The following ARB2A variants were observed in gnomAD, a reference collection of about 807,000 sequenced individuals.
The protein encoded by ARB2A is cotranscriptional regulator ARB2A.
At chr5:93,811,404 C>T in the ARB2A span, among the ~76,000 whole-genome samples, 2 of 151,868 alleles carry the variant, frequency 1.3e-5, no homozygotes, top group Admixed American at 6.6e-5. Context: ...AATGAAAAAT[C>T]GATTAAAATT....
At chr5:93,789,560 T>C in the ARB2A span, among the ~76,000 whole-genome samples, 353 of 152,376 alleles carry the variant, frequency 2.3e-3, no homozygotes, top group Non-Finnish European at 4.2e-3. Flanking sequence ...AGTTTTTATG[T>C]GGTTTAATAA....
the ARB2A span, among the ~76,000 whole-genome samples, chr5:94,086,244 T>TGTTGA: frequency 2.6e-5 from 4 of 152,198 alleles, no homozygotes; most frequent in Admixed American, 2.6e-4. Flanking sequence ...AATATGTTCT[T>TGTTGA]TAAATAAGTG....
the ARB2A span, among the ~76,000 whole-genome samples, chr5:93,905,817 GT>G: frequency 2.0e-5 from 3 of 151,328 alleles, no homozygotes; most frequent in Non-Finnish European, 4.4e-5. Context: ...AGAATTATTG[GT>G]TATCTTCTGA....
At chr5:93,807,461 T>C in the ARB2A span, among the ~76,000 whole-genome samples, 4 of 151,970 alleles carry the variant, frequency 2.6e-5, no homozygotes, top group Non-Finnish European at 5.9e-5. Flanking sequence ...TAATAATGAA[T>C]AGCACCAGGA....
At chr5:93,873,163 G>A in the ARB2A span, among the ~76,000 whole-genome samples, 2 of 151,920 alleles carry the variant, frequency 1.3e-5, 1 homozygote, top group African/African-American at 4.8e-5. Flanking sequence ...GTGGTGGCAT[G>A]CACCTGTAGT....
the ARB2A span, among the ~76,000 whole-genome samples, chr5:93,843,315 C>G: frequency 6.6e-6 from 1 of 151,582 alleles, no homozygotes; most frequent in African/African-American, 2.4e-5. Context: ...CAAATAGACA[C>G]TTGAAAGAAA....
chr5:93,671,104 C>T, the ARB2A span, among the ~76,000 whole-genome samples: 1 of 152,100 alleles, frequency 6.6e-6, no homozygotes, highest in Admixed American at 6.5e-5. Context: ...GCATTATAAA[C>T]CCTCAAAACA....
At chr5:94,035,319 T>C in the ARB2A span, among the ~76,000 whole-genome samples, 1 of 152,162 alleles carries the variant, frequency 6.6e-6, no homozygotes, top group Non-Finnish European at 1.5e-5. Context: ...TGAGTAAATC[T>C]AGGAAATATA....
chr5:93,814,337 A>G, the ARB2A span, among the ~76,000 whole-genome samples: 1 of 152,316 alleles, frequency 6.6e-6, no homozygotes, highest in South Asian at 2.1e-4. Flanking sequence ...AGTTAAAAAA[A>G]GAATTCTAAG....
chr5:93,710,438 C>T, the ARB2A span, among the ~76,000 whole-genome samples: 2 of 152,050 alleles, frequency 1.3e-5, no homozygotes, highest in East Asian at 1.9e-4. Flanking sequence ...GATTAATGTA[C>T]AAAATGATGA....
At chr5:93,650,223 C>T in the ARB2A span, among the ~76,000 whole-genome samples, 1 of 148,778 alleles carries the variant, frequency 6.7e-6, no homozygotes, top group Non-Finnish European at 1.5e-5. Context: ...AATTAGCAAA[C>T]AAAGACTTTA....
the ARB2A span, among the ~76,000 whole-genome samples, chr5:93,934,598 A>G: frequency 1.3e-5 from 2 of 152,154 alleles, no homozygotes; most frequent in Non-Finnish European, 2.9e-5. Context: ...CCAATGATGT[A>G]TGAAGGGAAG....
chr5:93,929,135 T>C, the ARB2A span, among the ~76,000 whole-genome samples: 1 of 152,152 alleles, frequency 6.6e-6, no homozygotes, highest in Non-Finnish European at 1.5e-5. Flanking sequence ...CTAATCATGG[T>C]TACAACTCCC....
At chr5:93,632,623 G>T in the ARB2A span, among the ~76,000 whole-genome samples, 1 of 152,170 alleles carries the variant, frequency 6.6e-6, no homozygotes, top group Non-Finnish European at 1.5e-5. Context: ...GGTATGTAGA[G>T]AATGAGTTAT....
At chr5:93,840,568 T>C in the ARB2A span, among the ~76,000 whole-genome samples, 3 of 152,244 alleles carry the variant, frequency 2.0e-5, no homozygotes, top group Non-Finnish European at 4.4e-5. Flanking sequence ...CACCCATATG[T>C]ATCCAATTTA....
chr5:93,771,945 C>A, the ARB2A span, among the ~76,000 whole-genome samples: 1 of 152,184 alleles, frequency 6.6e-6, no homozygotes, highest in African/African-American at 2.4e-5. Flanking sequence ...ACCCAGCCAT[C>A]CCATTACTGG....
At chr5:93,784,577 CAAT>C in the ARB2A span, 1 of 1,000,422 alleles carries the variant, frequency 1.0e-6, no homozygotes. Context: ...TCAGAGATAA[CAAT>C]AATATTATAT....
chr5:93,897,595 A>C, the ARB2A span, among the ~76,000 whole-genome samples: 1 of 151,942 alleles, frequency 6.6e-6, no homozygotes, highest in Non-Finnish European at 1.5e-5. Flanking sequence ...AATCCATTGT[A>C]AGGATGGCAA....
At chr5:93,868,978 C>T in the ARB2A span, among the ~76,000 whole-genome samples, 1 of 152,134 alleles carries the variant, frequency 6.6e-6, no homozygotes, top group Non-Finnish European at 1.5e-5. Context: ...CAGATAACCA[C>T]TTAGAGAAAA....
Sources: gnomAD v4.1 joint callset for allele counts (sites outside exome capture counted in the v4.1 genomes callset) on GRCh38, gnomAD v4.1.1 for gene constraint, MANE v1.5 for transcripts, NCBI Gene and HGNC (gene_info 2026-07-23, HGNC 2026-07-21) for gene names.